Variants in MANEA observed in about 807,000 individuals in gnomAD.
MANEA encodes the protein mannosidase endo-alpha.
In MANEA, 25 loss-of-function variants were observed where a neutral mutation model predicts 36.8. The observed-to-expected ratio is 0.68, with a 90% CI of 0.50 to 0.95. The LOEUF (loss-of-function observed/expected upper bound fraction) is 0.95, where lower values mean the gene tolerates loss of function less well. Ranked by LOEUF, MANEA falls within the 40% of genes least tolerant of loss-of-function variation. The probability of loss-of-function intolerance (pLI) is 0.00; values close to 1 mark genes in which losing one functional copy is unlikely to be tolerated. For synonymous variants in MANEA, 198 were observed against 188.5 expected (o/e 1.05, Z -0.41); for missense variants, 565 against 558.8 (o/e 1.01, Z -0.11).
At chr6:95,600,043 T>C (rs1020801016) in intron 3 of MANEA, among the ~76,000 whole-genome samples, 1 of 152,220 alleles carries the variant, frequency 6.6e-6, no homozygotes, top group African/African-American at 2.4e-5. Flanking sequence ...CTGGCTATTT[T>C]AGTACTTTCA....
intron 2 of MANEA, among the ~76,000 whole-genome samples, chr6:95,589,133 TAAAG>T (rs10572107): frequency 0.6 from 90,187 of 151,418 alleles, 27,245 homozygotes; most frequent in East Asian, 0.87. Flanking sequence ...AATTTATAAA[TAAAG>T]AAATAATTTC....
At chr6:95,583,769 T>C (rs1769228350) in intron 1 of MANEA, among the ~76,000 whole-genome samples, 1 of 152,180 alleles carries the variant, frequency 6.6e-6, no homozygotes. Flanking sequence ...GTTTACTTTA[T>C]ATGTTTTAAA....
rs1406398806 is a variant in MANEA at position 95,605,893 on chromosome 6, TCTC to T, written c.880_882del (p.Pro294del). ...CTCAGGGTCTCGGAGTATTCGCAATTCTCCTTATGATGGACTGTTTATTGCCCT... is the reference window on the plus strand; with the variant it reads ...CTCAGGGTCTCGGAGTATTCGCAATTCTTATGATGGACTGTTTATTGCCCT... On this transcript the variant is annotated inframe_deletion, in exon 5 of 5. Transcript: ENST00000358812. 1 of 1,614,020 alleles carries T rather than the reference TCTC, an allele frequency of 6.2e-7. No individual in the cohort carries two copies. Among genetic ancestry groups the T allele is most frequent in the East Asian group, 2.2e-5 (1 of 44,862 alleles).
chr6:95,586,338 G>C lies in MANEA; in HGVS notation c.-38-64G>C, dbSNP rs1769280259. ...GAAATTTATGGATTTTAGTTTTCGTGTTGAATATATTGGAAAATACTGTTG... is the reference window on the plus strand; with the variant it reads ...GAAATTTATGGATTTTAGTTTTCGTCTTGAATATATTGGAAAATACTGTTG... On this transcript the variant is annotated intron_variant, in intron 1 of 4. Transcript: ENST00000358812. The C allele has an allele frequency of 1.1e-5, 10 of 920,242 alleles. No homozygotes were observed. The East Asian group carries it at 2.4e-4, about 22-fold the overall frequency. The allele number at this position is 920,242 out of a possible 1,614,324, so 57.0% of individuals were successfully genotyped here.
At chr6:95,599,181 A>G (rs1438759204) in intron 3 of MANEA, among the ~76,000 whole-genome samples, 2 of 152,198 alleles carry the variant, frequency 1.3e-5, no homozygotes, top group African/African-American at 4.8e-5. Flanking sequence ...TTTAGGAAAT[A>G]AAAATTCATT....
chr6:95,590,149 C>T (rs1273079803), intron 2 of MANEA: 2 of 152,172 alleles, frequency 1.3e-5, no homozygotes, highest in Non-Finnish European at 1.5e-5. Flanking sequence ...CCCATGTCAA[C>T]ACTCCTGACA....
intron 3 of MANEA, among the ~76,000 whole-genome samples, chr6:95,602,868 A>G (rs1769620285): frequency 6.8e-6 from 1 of 146,146 alleles, no homozygotes; most frequent in South Asian, 2.2e-4. Context: ...AAAATACAAA[A>G]AATTAGCCGG....
chr6:95,604,002 GCTCT>G (rs1177001060), intron 3 of MANEA, among the ~76,000 whole-genome samples: 3 of 149,510 alleles, frequency 2.0e-5, no homozygotes, highest in African/African-American at 4.9e-5. Flanking sequence ...TGTAATTACT[GCTCT>G]CTATGTTTAC....
At chr6:95,604,942 C>G in intron 4 of MANEA, 39 bp downstream of exon 4, 1 of 725,220 alleles carries the variant, frequency 1.4e-6, no homozygotes, top group South Asian at 2.5e-5. Flanking sequence ...GTTATATTAT[C>G]CAGTGATAAT....
intron 3 of MANEA, among the ~76,000 whole-genome samples, chr6:95,604,061 GGTGTGTGTGTGT>G (rs71012509): frequency 1.2e-4 from 17 of 138,386 alleles, no homozygotes; most frequent in African/African-American, 4.3e-4. Flanking sequence ...TATGTATGTA[GGTGTGTGTGTGT>G]GTGTGTGTGT....
At chr6:95,578,458 C>T (rs1016621005) in intron 1 of MANEA, among the ~76,000 whole-genome samples, 2 of 152,036 alleles carry the variant, frequency 1.3e-5, no homozygotes, top group African/African-American at 2.4e-5. Context: ...AGGCTGTTCA[C>T]GTTAAAGTAT....
At position 95,606,282 on chromosome 6, in the gene MANEA, A is replaced by T. The variant is rs749972862; in HGVS notation, c.1266A>T (p.Thr422=). Residue 422 remains threonine (T), a synonymous_variant, in exon 5 of 5, where the codon ACA becomes ACT. Transcript: ENST00000358812. ...CTGTTCCCAAAAGAACCAGTAATAC[A>T]GTGTACCTAGATTACCGTCCTCATA... The part of the protein sequence containing the change: ...EKAVPKRTSN[T]VYLDYRPHKP... 22 of 1,613,504 alleles carry T rather than the reference A, an allele frequency of 1.4e-5. No individual in the cohort carries two copies. Among genetic ancestry groups the T allele is most frequent in the Non-Finnish European group, 1.9e-5 (22 of 1,179,940 alleles).
intron 2 of MANEA, among the ~76,000 whole-genome samples, chr6:95,592,190 G>A (rs746591808): frequency 1.3e-5 from 2 of 152,224 alleles, no homozygotes; most frequent in Non-Finnish European, 1.5e-5. Flanking sequence ...TATCTCCTCA[G>A]CTCTGTTAAT....
intron 1 of MANEA, among the ~76,000 whole-genome samples, chr6:95,582,173 CTTTTTTTTTTTTTTTT>C (rs67978183): frequency 1.3e-5 from 1 of 79,360 alleles, no homozygotes; most frequent in African/African-American, 4.6e-5. Context: ...GTTGTATCAT[CTTTTTTTTTTTTTTTT>C]TTTTTTTTTT....
chr6:95,596,300 C>G (rs1266648337), intron 2 of MANEA, among the ~76,000 whole-genome samples: 1 of 151,986 alleles, frequency 6.6e-6, no homozygotes, highest in African/African-American at 2.4e-5. Context: ...CAAAACCTGT[C>G]GAACTGTACA....
At chr6:95,592,870 A>C (rs763401791) in intron 2 of MANEA, among the ~76,000 whole-genome samples, 43 of 152,150 alleles carry the variant, frequency 2.8e-4, no homozygotes, top group Non-Finnish European at 5.3e-4. Flanking sequence ...GGCCTATCTG[A>C]TTTTTATACC....
chr6:95,584,111 C>T (rs1159775294), intron 1 of MANEA, among the ~76,000 whole-genome samples: 4 of 152,292 alleles, frequency 2.6e-5, no homozygotes, highest in South Asian at 4.1e-4. Context: ...TGAGGATGTA[C>T]GTCACCTCAG....
Position 95,584,037 on chromosome 6 carries a change from A to G in MANEA, c.-38-2365A>G, listed in dbSNP as rs112879839. Among the ~76,000 whole-genome samples, 46 of 152,262 alleles carry G rather than the reference A, an allele frequency of 3.0e-4. 1 individual carries two copies. Among genetic ancestry groups the G allele is most frequent in the African/African-American group, 9.9e-4 (41 of 41,556 alleles). On this transcript the variant is annotated intron_variant, in intron 1 of 4. Transcript: ENST00000358812. ...CATGGACATTTATCACTTCCCTAAG[A>G]ATACTCTTATAATTTCTTATGCCTG...
chr6:95,606,170 G>GT lies in MANEA; in HGVS notation c.1155dup (p.Leu386SerfsTer18). On this transcript the variant is annotated frameshift_variant, in exon 5 of 5. Transcript: ENST00000358812. LOFTEE classifies it high-confidence loss of function. Reference sequence around the variant, plus strand: ...ATCAATGGGAAGTATTATGAAATTGGTCTGAGTGCCGCACTTCAGACACGC... The same window carrying GT: ...ATCAATGGGAAGTATTATGAAATTGGTTCTGAGTGCCGCACTTCAGACACGC... The GT allele has an allele frequency of 1.2e-6, 2 of 1,613,998 alleles. No homozygotes were observed. The highest frequency in any genetic ancestry group is 1.7e-6 in the Non-Finnish European group (2 of 1,179,960).
Sources: gnomAD v4.1 joint callset for allele counts (sites outside exome capture counted in the v4.1 genomes callset) on GRCh38, gnomAD v4.1.1 for gene constraint, MANE v1.5 for transcripts, NCBI Gene and HGNC (gene_info 2026-07-23, HGNC 2026-07-21) for gene names.